EDNRB: variants seen among roughly 807,000 people sequenced by gnomAD.
EDNRB encodes Hirschsprung disease 2.
In EDNRB, 18 loss-of-function variants were observed where a neutral mutation model predicts 46.4. The observed-to-expected ratio is 0.39, with a 90% confidence interval of 0.27 to 0.57. The LOEUF is 0.57. EDNRB is among the 20% of genes least tolerant of loss of function. The probability of loss-of-function intolerance (pLI) is 0.61; values close to 1 mark genes in which losing one functional copy is unlikely to be tolerated. For synonymous variants in EDNRB, 213 were observed against 204.9 expected, an observed-to-expected ratio of 1.04 and a Z score of -0.34; for missense variants, 434 against 537.5, an observed-to-expected ratio of 0.81 and a Z score of 1.90.
At chr13:77,919,348 A>G (rs776203414), upstream of EDNRB, 1 of 1,571,012 alleles carries the variant, frequency 6.4e-7, no homozygotes, top group South Asian at 1.1e-5. Flanking sequence ...AAGCCCCAGA[A>G]TAAGGTTCAA....
chr13:77,898,486 A>G (rs1878756636), intron 6 of EDNRB, 152 bp from the exon 7 acceptor site: 3 of 1,142,780 alleles, frequency 2.6e-6, no homozygotes, highest in Non-Finnish European at 1.2e-6. Context: ...AAAGAATATA[A>G]TCACAGTAGT....
chr13:77,926,518 C>T (rs1465085207), intron 1 of EDNRB, among the ~76,000 whole-genome samples: 1 of 152,180 alleles, frequency 6.6e-6, no homozygotes, highest in African/African-American at 2.4e-5. Context: ...TGCTCCAGTT[C>T]CCAACAAGTT....
At chr13:77,931,775 C>CA (rs142097187) in intron 1 of EDNRB, among the ~76,000 whole-genome samples, 13 of 106,494 alleles carry the variant, frequency 1.2e-4, no homozygotes, top group African/African-American at 4.0e-4. Context: ...AAAAAAAAAA[C>CA]AAAAAAAACC....
Position 77,918,241 on chromosome 13 carries a change from C to T in EDNRB, c.333G>A (p.Val111=), listed in dbSNP as rs1403882999. The change falls in exon 1 of 7, where the codon GTG becomes GTA. Residue 111 remains valine, a synonymous_variant. Coordinates refer to ENST00000646607, the MANE Select transcript of EDNRB (RefSeq NM_001122659.3). This position sits in a 1 kb window ranked among gnomAD's most constrained non-coding sequence, Gnocchi z 4.5. Reference sequence around the variant, plus strand: ...AGTTCCCGATGATCCCCAGCACGAACACAAGGCAGGACACAACCGTGTTGA... The same window carrying T: ...AGTTCCCGATGATCCCCAGCACGAATACAAGGCAGGACACAACCGTGTTGA... ...KYINTVVSCL[V]FVLGIIGNST... 1.2e-6 allele frequency: 2 copies of T among 1,614,002 alleles called. No homozygotes were observed.
At chr13:77,967,406 T>C (rs2137691812) in intron 1 of EDNRB, among the ~76,000 whole-genome samples, 1 of 152,284 alleles carries the variant, frequency 6.6e-6, no homozygotes, top group East Asian at 1.9e-4. Flanking sequence ...AACCCTGAAT[T>C]TCCCGAAGAA....
chr13:77,901,658 T>A (rs1262754746), intron 3 of EDNRB, among the ~76,000 whole-genome samples: 2 of 152,018 alleles, frequency 1.3e-5, no homozygotes, highest in Non-Finnish European at 1.5e-5. Context: ...ACCATTTAGC[T>A]CAGTAACATA....
At position 77,900,007 on chromosome 13, in the gene EDNRB, T is replaced by C. The variant is rs777510064; in HGVS notation, c.1086-40A>G. On this transcript the variant is annotated intron_variant, in intron 5 of 6. Coordinates refer to ENST00000646607, the MANE Select transcript of EDNRB (RefSeq NM_001122659.3). ...CCCAAAATGTGTCTGAAAAATATGC[T>C]ATTCTGAACATGTAGTCATTGTAGC... The C allele has an allele frequency of 5.2e-6, 8 of 1,528,706 alleles. No homozygotes were observed. The Admixed American group carries it at 1.2e-4, about 22-fold the overall frequency. 94.7% of individuals were successfully genotyped at this position (1,528,706 alleles called of 1,614,324 possible). A position where few individuals can be genotyped will look rare whatever the true frequency, so the allele number is the denominator to read the frequency against.
At chr13:77,970,570 G>A (rs1421004411) in intron 1 of EDNRB, among the ~76,000 whole-genome samples, 1 of 151,880 alleles carries the variant, frequency 6.6e-6, no homozygotes, top group African/African-American at 2.4e-5. Context: ...TTCTCTCAGG[G>A]GGCTATTTAT....
chr13:77,959,704 G>A (rs548369888), intron 1 of EDNRB, among the ~76,000 whole-genome samples: 4 of 152,310 alleles, frequency 2.6e-5, no homozygotes, highest in South Asian at 2.1e-4. Context: ...TAACTTTGAC[G>A]AATTGAGAGA....
chr13:77,919,711 T>A, upstream of EDNRB: 3 of 1,256,042 alleles, frequency 2.4e-6, no homozygotes, highest in Non-Finnish European at 2.2e-6. Flanking sequence ...GCATCAGTAG[T>A]AGTTGCCCGA....
chr13:77,913,241 TA>T (rs1879661903), intron 1 of EDNRB, among the ~76,000 whole-genome samples: 1 of 152,124 alleles, frequency 6.6e-6, no homozygotes, highest in Admixed American at 6.5e-5. Flanking sequence ...CATTTTGACA[TA>T]CCAGCATTTT....
At chr13:77,938,977 A>C (rs918546117) in intron 1 of EDNRB, among the ~76,000 whole-genome samples, 4 of 152,164 alleles carry the variant, frequency 2.6e-5, no homozygotes, top group African/African-American at 9.7e-5. Flanking sequence ...ACAGCACCAA[A>C]TTTCATGCAC....
At chr13:77,914,458 T>G (rs985031738) in intron 1 of EDNRB, among the ~76,000 whole-genome samples, 1 of 152,222 alleles carries the variant, frequency 6.6e-6, no homozygotes, top group African/African-American at 2.4e-5. Flanking sequence ...AATATCTCCT[T>G]TGGATGCCTG....
At position 77,896,486 on chromosome 13, in the gene EDNRB, G is replaced by T; in HGVS notation, c.*1714C>A. 6.3e-7 allele frequency: 1 copy of T among 1,580,898 alleles called. No homozygotes were observed. The highest frequency in any genetic ancestry group is 8.6e-7 in the Non-Finnish European group (1 of 1,161,616). Reference sequence around the variant, plus strand: ...CTTTCTGGCCACATTGTTGGGTTTTGGTTTACTGTACCATCACATTCAATA... The same window carrying T: ...CTTTCTGGCCACATTGTTGGGTTTTTGTTTACTGTACCATCACATTCAATA... On this transcript the variant is annotated 3_prime_UTR_variant, in exon 7 of 7. Coordinates refer to ENST00000646607, the MANE Select transcript of EDNRB (RefSeq NM_001122659.3).
At chr13:77,964,912 C>T (rs1029395335) in intron 1 of EDNRB, among the ~76,000 whole-genome samples, 5 of 152,036 alleles carry the variant, frequency 3.3e-5, no homozygotes, top group African/African-American at 4.8e-5. Flanking sequence ...AAAGGACTAA[C>T]ATTTGTGAGG....
chr13:77,897,277 A>G lies in EDNRB; in HGVS notation c.*923T>C. 1.0e-6 allele frequency: 1 copy of G among 985,234 alleles called. No homozygotes were observed. The highest frequency in any genetic ancestry group is 1.2e-6 in the Non-Finnish European group (1 of 829,854). 61.0% of individuals were successfully genotyped at this position (985,234 alleles called of 1,614,324 possible). The stretch of plus-strand genomic sequence containing the variant: ...TAGGTAAGTATTTACAGATGACAAA[A>G]CCAAACAGAGTTTAAGCTACGATAG... On this transcript the variant is annotated 3_prime_UTR_variant, in exon 7 of 7. Transcript: ENST00000646607.
intron 1 of EDNRB, among the ~76,000 whole-genome samples, chr13:77,950,451 G>A (rs990671696): frequency 6.6e-6 from 1 of 152,192 alleles, no homozygotes; most frequent in South Asian, 2.1e-4. Context: ...TGGGCTGAAG[G>A]GAGAAAGGAC....
chr13:77,964,908 C>T (rs1881538745), intron 1 of EDNRB, among the ~76,000 whole-genome samples: 1 of 151,978 alleles, frequency 6.6e-6, no homozygotes, highest in South Asian at 2.1e-4. Context: ...AGAGAAAGGA[C>T]TAACATTTGT....
intron 1 of EDNRB, among the ~76,000 whole-genome samples, chr13:77,961,007 A>G (rs1456538914): frequency 6.6e-6 from 1 of 152,220 alleles, no homozygotes; most frequent in Non-Finnish European, 1.5e-5. Context: ...TCCTAAATAT[A>G]TATGCACCCA....
Sources: allele counts gnomAD v4.1 joint callset (sites outside exome capture counted in the v4.1 genomes callset), GRCh38; gene constraint gnomAD v4.1.1; non-coding constraint Gnocchi (gnomAD v3.1); transcripts MANE v1.5; gene names NCBI Gene and HGNC (gene_info 2026-07-23, HGNC 2026-07-21).